Variants in CAPRIN2 observed in about 807,000 individuals in gnomAD.
The protein encoded by CAPRIN2 is caprin-2.
Under a neutral mutation model 130.4 loss-of-function variants are expected in CAPRIN2, and 66 were observed. That is an observed-to-expected ratio of 0.51 (90% CI 0.42 to 0.62). The LOEUF (loss-of-function observed/expected upper bound fraction) is 0.62, where lower values mean the gene tolerates loss of function less well. Ranked by LOEUF, CAPRIN2 falls within the 20% of genes least tolerant of loss-of-function variation. The pLI, the probability that CAPRIN2 is intolerant of heterozygous loss-of-function variation, is 0.00. For missense variants in CAPRIN2, 1,185 were observed against 1,246.6 expected (o/e 0.95, Z 0.74); for synonymous variants, 471 against 444.1 (o/e 1.06, Z -0.76).
chr12:30,732,097 T>C (rs2062891922), intron 5 of CAPRIN2, among the ~76,000 whole-genome samples: 1 of 152,048 alleles, frequency 6.6e-6, no homozygotes, highest in Non-Finnish European at 1.5e-5. Flanking sequence ...TTACAAACTC[T>C]GAAGTATTTT....
Position 30,715,074 on chromosome 12 carries a change from C to T in CAPRIN2, c.2385G>A (p.Thr795=), listed in dbSNP as rs78303008. Residue 795 remains threonine (T), a synonymous_variant, in exon 14 of 17, where the codon ACG becomes ACA. Coordinates refer to ENST00000298892, the Ensembl canonical transcript of CAPRIN2. Reference sequence around the variant, plus strand: ...GCTGAGTAGGTCTGGGAAACACATTCGTCTGTGCTGGGTAAAAGGCAAGGC... The same window carrying T: ...GCTGAGTAGGTCTGGGAAACACATTTGTCTGTGCTGGGTAAAAGGCAAGGC... 13,595 of 1,613,880 alleles carry T rather than the reference C, an allele frequency of 8.4e-3. 53 individuals are homozygous for T. Among genetic ancestry groups the T allele is most frequent in the Non-Finnish European group, 0.011 (12,433 of 1,179,808 alleles).
At chr12:30,738,179 C>T (rs191302448) in intron 3 of CAPRIN2, among the ~76,000 whole-genome samples, 6 of 152,108 alleles carry the variant, frequency 3.9e-5, no homozygotes, top group African/African-American at 1.2e-4. Flanking sequence ...AGTAAGGCAA[C>T]CTCCAAAGTA....
intron 10 of CAPRIN2, 72 bp downstream of exon 11, chr12:30,724,298 T>G: frequency 2.2e-6 from 2 of 915,774 alleles, no homozygotes; most frequent in Non-Finnish European, 3.6e-6. Flanking sequence ...ATAAAATCAT[T>G]TGAAAAGACA....
Position 30,753,788 on chromosome 12 carries a change from G to A in CAPRIN2, c.-25C>T, listed in dbSNP as rs772381603. ...TCCTACTTTTAAAGTAATTAGTGCCGCTAGCCAATAAGGATAGCCTTTACA... is the reference window on the plus strand; with the variant it reads ...TCCTACTTTTAAAGTAATTAGTGCCACTAGCCAATAAGGATAGCCTTTACA... On this transcript the variant is annotated 5_prime_UTR_variant, in exon 1 of 17. Transcript: ENST00000298892. 8 of 1,576,192 alleles carry A rather than the reference G, an allele frequency of 5.1e-6. No homozygotes were observed. The East Asian group carries it at 1.1e-4, about 22-fold the overall frequency.
chr12:30,726,349 A>G (rs775405522), intron 8 of CAPRIN2, among the ~76,000 whole-genome samples: 8 of 152,140 alleles, frequency 5.3e-5, no homozygotes, highest in Non-Finnish European at 1.0e-4. Context: ...CCTTGTTAAG[A>G]GTGTTTTCAT....
intron 6 of CAPRIN2, 50 bp downstream of exon 7, chr12:30,731,293 G>A (rs1010280292): frequency 6.9e-7 from 1 of 1,444,908 alleles, no homozygotes; most frequent in East Asian, 2.3e-5. Flanking sequence ...ACTCATTTGG[G>A]GTATTAAAAA....
intron 2 of CAPRIN2, among the ~76,000 whole-genome samples, chr12:30,742,783 G>A (rs11051048): frequency 0.21 from 32,543 of 152,006 alleles, 3,648 homozygotes; most frequent in East Asian, 0.3. Context: ...AACACTGTTG[G>A]AAACATACTA....
At chr12:30,741,482 G>C (rs11051047) in intron 2 of CAPRIN2, among the ~76,000 whole-genome samples, 28 of 152,032 alleles carry the variant, frequency 1.8e-4, no homozygotes, top group African/African-American at 6.3e-4. Flanking sequence ...GTATCAGAGA[G>C]ATGAACAAGC....
At position 30,733,681 on chromosome 12, in the gene CAPRIN2, C is replaced by T. The variant is rs1400180701; in HGVS notation, c.840G>A (p.Leu280=). 4 of 1,613,608 alleles carry T rather than the reference C, an allele frequency of 2.5e-6. No individual in the cohort carries two copies. In the South Asian group the frequency reaches 3.3e-5, roughly 13 times the overall value. Reference sequence around the variant, plus strand: ...TACCTTCCAAAAGGTCCCAAAAGTACAAGGATGACTGCTCCATCTGGTCTT... The same window carrying T: ...TACCTTCCAAAAGGTCCCAAAAGTATAAGGATGACTGCTCCATCTGGTCTT... Residue 280 remains leucine (L), a synonymous_variant, in exon 5 of 17, where the codon TTG becomes TTA. Transcript: ENST00000298892.
At chr12:30,751,784 C>G (rs2073987365) in intron 1 of CAPRIN2, 1 of 84,226 alleles carries the variant, frequency 1.2e-5, no homozygotes, top group Non-Finnish European at 2.4e-5. Flanking sequence ...GAATTCTTTT[C>G]TATCATTATC....
chr12:30,715,491 T>C (rs1019173018), intron 13 of CAPRIN2: 5 of 458,328 alleles, frequency 1.1e-5, no homozygotes, highest in African/African-American at 2.0e-5. Flanking sequence ...AGTAGAATGG[T>C]GGTTGCCAGG....
At chr12:30,729,355 C>T (rs2061875309) in intron 7 of CAPRIN2, 30 bp from the exon 9 acceptor site, 1 of 1,481,272 alleles carries the variant, frequency 6.8e-7, no homozygotes, top group African/African-American at 1.4e-5. Flanking sequence ...ACTTAAGTCA[C>T]AAAATTCATA....
intron 9 of CAPRIN2, among the ~76,000 whole-genome samples, chr12:30,724,973 A>G (rs2060481021): frequency 6.6e-6 from 1 of 152,142 alleles, no homozygotes; most frequent in African/African-American, 2.4e-5. Context: ...TAGCCTCGAC[A>G]AGCAGAGTGG....
At position 30,709,804 on chromosome 12, in the gene CAPRIN2, A is replaced by G. The variant is rs140573371; in HGVS notation, c.*98T>C. ...ACCTCCTCCCTCTAGGAACAAAAAC[A>G]TTTTCCTAAACCAATCAGTCATGAG... On this transcript the variant is annotated 3_prime_UTR_variant, in exon 17 of 17. Coordinates refer to ENST00000298892, the Ensembl canonical transcript of CAPRIN2. 238 of 1,394,136 alleles carry G rather than the reference A, an allele frequency of 1.7e-4. No individual in the cohort carries two copies. The African/African-American group carries it at 2.9e-3, about 17-fold the overall frequency. The allele number at this position is 1,394,136 out of a possible 1,614,324, so 86.4% of individuals were successfully genotyped here. A position where few individuals can be genotyped will look rare whatever the true frequency, so the allele number is the denominator to read the frequency against.
At chr12:30,720,737 C>T (rs572255893) in intron 12 of CAPRIN2, 74 bp downstream of exon 13, 3 of 836,358 alleles carry the variant, frequency 3.6e-6, no homozygotes, top group Admixed American at 1.9e-5. Context: ...ACTAATCATG[C>T]CTGTAATTCA....
rs1275411792 is a variant in CAPRIN2 at position 30,710,624 on chromosome 12, T to G, written c.2666-154A>C. The G allele has an allele frequency of 8.4e-7, 1 of 1,197,296 alleles. No individual in the cohort carries two copies. Among genetic ancestry groups the G allele is most frequent in the Non-Finnish European group, 1.1e-6 (1 of 881,048 alleles). 74.2% of individuals were successfully genotyped at this position (1,197,296 alleles called of 1,614,324 possible). A position where few individuals can be genotyped will look rare whatever the true frequency, so the allele number is the denominator to read the frequency against. ...ATAGCTAGATTATACTTTTCTAGAT[T>G]TTTCTGGTAATAGGTTTTTACATAC... On this transcript the variant is annotated intron_variant, in intron 16 of 16. Coordinates refer to ENST00000298892, the Ensembl canonical transcript of CAPRIN2. The surrounding 1 kb of genome is among the most constrained non-coding windows in gnomAD (Gnocchi z 4.8).
intron 12 of CAPRIN2, among the ~76,000 whole-genome samples, chr12:30,717,389 G>A (rs958370074): frequency 2.0e-5 from 3 of 152,170 alleles, no homozygotes; most frequent in Non-Finnish European, 2.9e-5. Context: ...TCATAGAAGC[G>A]AAGTAGAATA....
exon 14 of CAPRIN2, chr12:30,714,993 T>C (rs776788388): frequency 6.2e-7 from 1 of 1,613,974 alleles, no homozygotes; most frequent in East Asian, 2.2e-5. Flanking sequence ...AGGAATTGGT[T>C]ATTAATCTCC....
At chr12:30,727,307 TGAGA>T (rs2061239774) in intron 8 of CAPRIN2, among the ~76,000 whole-genome samples, 1 of 152,142 alleles carries the variant, frequency 6.6e-6, no homozygotes, top group African/African-American at 2.4e-5. Context: ...ATTAGCAACT[TGAGA>T]GAGAAAGGAG....
Sources: allele counts gnomAD v4.1 joint callset (sites outside exome capture counted in the v4.1 genomes callset), GRCh38; gene constraint gnomAD v4.1.1; non-coding constraint Gnocchi (gnomAD v3.1); transcripts MANE v1.5; gene names NCBI Gene and HGNC (gene_info 2026-07-23, HGNC 2026-07-21).